Variants in HMCN2 observed in about 807,000 individuals in gnomAD.
HMCN2 encodes the protein hemicentin 2.
In HMCN2, 325 loss-of-function variants were observed where a neutral mutation model predicts 377.5. The ratio of observed to expected loss-of-function variants is 0.86; its 90% CI spans 0.79 to 0.94. The LOEUF is 0.94. Ranked by LOEUF, HMCN2 falls within the 40% of genes least tolerant of loss-of-function variation. HMCN2 has a pLI of 0.00. For synonymous variants in HMCN2, 2,007 were observed against 2,046.8 expected (o/e 0.98, Z 0.53); for missense variants, 4,543 against 4,725.3 (o/e 0.96, Z 1.13).
intron 6 of HMCN2, 92 bp downstream of exon 6, chr9:130,295,864 G>A (rs376750752): frequency 1.6e-5 from 7 of 425,946 alleles, no homozygotes; most frequent in African/African-American, 6.1e-5. Flanking sequence ...CTGTGGCCTC[G>A]GGAAGCTGAT....
At position 130,351,033 on chromosome 9, in the gene HMCN2, C is replaced by G. The variant is rs1440487114; in HGVS notation, c.4431-390C>G. Among the ~76,000 whole-genome samples the G allele has an allele frequency of 6.6e-6, 1 of 152,208 alleles. No individual in the cohort carries two copies. Among genetic ancestry groups the G allele is most frequent in the Non-Finnish European group, 1.5e-5 (1 of 68,030 alleles). On this transcript the variant is annotated intron_variant, in intron 29 of 97. Transcript: ENST00000683500. The surrounding 1 kb of genome is among the most constrained non-coding windows in gnomAD (Gnocchi z 5.4). ...CCCTGGACCCATCAGCAGCCAGTCGCTGTCCCCTTCTCCCCAGCCCCTGGC... is the reference window on the plus strand; with the variant it reads ...CCCTGGACCCATCAGCAGCCAGTCGGTGTCCCCTTCTCCCCAGCCCCTGGC...
intron 4 of HMCN2, among the ~76,000 whole-genome samples, chr9:130,292,412 C>T (rs1389253970): frequency 1.3e-5 from 2 of 152,204 alleles, no homozygotes; most frequent in Non-Finnish European, 2.9e-5. Flanking sequence ...TGCATCATTC[C>T]TCCCACATTT....
intron 59 of HMCN2, 133 bp from the exon 60 acceptor site, chr9:130,385,427 G>C (rs1267614965): frequency 6.6e-6 from 3 of 454,882 alleles, no homozygotes; most frequent in Non-Finnish European, 1.2e-5. Context: ...CACCTCCCCT[G>C]GGTCTGCGCC....
Position 130,386,436 on chromosome 9 carries a change from C to G in HMCN2, c.9310-7C>G. ...CACACAGCCACTGTGTGCTCTTCCT[C>G]TTTCAGGTATCGGATAAAGGTTTAT... is the stretch of plus-strand genomic sequence containing the variant. On this transcript the variant is annotated splice_polypyrimidine_tract_variant and splice_region_variant and intron_variant, in intron 60 of 97. Coordinates refer to ENST00000683500, the MANE Select transcript of HMCN2 (RefSeq NM_001291815.2). 3 of 1,302,890 alleles carry G rather than the reference C, an allele frequency of 2.3e-6. No individual in the cohort carries two copies. Among genetic ancestry groups the G allele is most frequent in the Non-Finnish European group, 3.0e-6 (3 of 988,434 alleles). The allele number at this position is 1,302,890 out of a possible 1,614,324, so 80.7% of individuals were successfully genotyped here.
intron 22 of HMCN2, among the ~76,000 whole-genome samples, chr9:130,334,722 T>TCTCTC (rs1167871701): frequency 2.2e-5 from 3 of 138,536 alleles, no homozygotes; most frequent in African/African-American, 5.2e-5. Flanking sequence ...TCTCTCTCTC[T>TCTCTC]TCTCTCTTTC....
At position 130,355,025 on chromosome 9, in the gene HMCN2, G is replaced by A. The variant is rs1839950737; in HGVS notation, c.5127G>A (p.Gln1709=). Reference sequence around the variant, plus strand: ...GTCCTGCCGGGGAAGCCGTCCTGCAGTACTCCGTGGAGGTTCAGGGTGAGC... The same window carrying A: ...GTCCTGCCGGGGAAGCCGTCCTGCAATACTCCGTGGAGGTTCAGGGTGAGC... ...ASSPAGEAVL[Q]YSVEVQVPPQ... Residue 1709 remains glutamine, a synonymous_variant, in exon 32 of 98, where the codon CAG becomes CAA. Transcript: ENST00000683500. 1 of 1,286,296 alleles carries A rather than the reference G, an allele frequency of 7.8e-7. No homozygotes were observed. Among genetic ancestry groups the A allele is most frequent in the Non-Finnish European group, 1.0e-6 (1 of 985,584 alleles). The allele number at this position is 1,286,296 out of a possible 1,614,324, so 79.7% of individuals were successfully genotyped here. A position where few individuals can be genotyped will look rare whatever the true frequency, so the allele number is the denominator to read the frequency against.
Position 130,386,482 on chromosome 9 carries a change from G to A in HMCN2, c.9349G>A (p.Val3117Met), listed in dbSNP as rs1463432031. 11 of 1,303,894 alleles carry A rather than the reference G, an allele frequency of 8.4e-6. No homozygotes were observed. Among genetic ancestry groups the A allele is most frequent in the South Asian group, 7.4e-5 (6 of 80,996 alleles). The allele number at this position is 1,303,894 out of a possible 1,614,324, so 80.8% of individuals were successfully genotyped here. Residue 3117 changes from valine to methionine, a missense_variant, in exon 61 of 98, where the codon GTG becomes ATG. By Grantham distance (21) the Val-to-Met change is conservative. Coordinates refer to ENST00000683500, the MANE Select transcript of HMCN2 (RefSeq NM_001291815.2). ...KGLYSCKVSN[V>M]AGEAVRTFTL... ...TTTATACAGCTGTAAAGTCAGCAAC[G>A]TGGCTGGGGAGGCCGTGCGGACCTT...
At position 130,384,807 on chromosome 9, in the gene HMCN2, A is replaced by G. The variant is rs991261579; in HGVS notation, c.9106+9A>G. 6.5e-5 allele frequency: 85 copies of G among 1,299,312 alleles called. No individual in the cohort carries two copies. Among genetic ancestry groups the G allele is most frequent in the Non-Finnish European group, 8.5e-5 (84 of 985,572 alleles). 80.5% of individuals were successfully genotyped at this position (1,299,312 alleles called of 1,614,324 possible). A position where few individuals can be genotyped will look rare whatever the true frequency, so the allele number is the denominator to read the frequency against. On this transcript the variant is annotated intron_variant, in intron 59 of 97. Coordinates refer to ENST00000683500, the MANE Select transcript of HMCN2 (RefSeq NM_001291815.2). ...GCAGCTCAGTGTTCTGGGTATGTCC[A>G]TGTCTGTCCCCAACTTGTACTGTCC...
In HMCN2 at chr9:130,393,317, G is replaced by T; in HGVS notation, c.10234+8G>T. Reference sequence around the variant, plus strand: ...TCACCTTGCAGGTGCAGGGTATGGAGCAGGGGGTGGGGCAAGGGGGTCTCT... The same window carrying T: ...TCACCTTGCAGGTGCAGGGTATGGATCAGGGGGTGGGGCAAGGGGGTCTCT... On this transcript the variant is annotated splice_region_variant and intron_variant, in intron 67 of 97. Transcript: ENST00000683500. The surrounding 1 kb of genome is among the most constrained non-coding windows in gnomAD (Gnocchi z 5.2). 1 of 990,658 alleles carries T rather than the reference G, an allele frequency of 1.0e-6. No homozygotes were observed. 61.4% of individuals were successfully genotyped at this position (990,658 alleles called of 1,614,324 possible).
intron 22 of HMCN2, among the ~76,000 whole-genome samples, chr9:130,329,483 G>C (rs1838307891): frequency 2.4e-5 from 3 of 125,830 alleles, no homozygotes; most frequent in Admixed American, 1.0e-4. Context: ...TCACTCTGTT[G>C]CCAGGCTGGA....
chr9:130,393,183 C>G lies in HMCN2; in HGVS notation c.10137-29C>G. On this transcript the variant is annotated intron_variant, in intron 66 of 97. Transcript: ENST00000683500. The surrounding 1 kb of genome is among the most constrained non-coding windows in gnomAD (Gnocchi z 5.2). The stretch of plus-strand genomic sequence containing the variant: ...CTCTCTCTCTCCCTTTCTCTTGTCT[C>G]CTTCTCCCTCTCCTCTCGGGGGATT... 1.0e-6 allele frequency: 1 copy of G among 985,296 alleles called. No homozygotes were observed. Among genetic ancestry groups the G allele is most frequent in the Non-Finnish European group, 1.2e-6 (1 of 827,646 alleles). 61.0% of individuals were successfully genotyped at this position (985,296 alleles called of 1,614,324 possible). A position where few individuals can be genotyped will look rare whatever the true frequency, so the allele number is the denominator to read the frequency against.
chr9:130,343,249 G>A (rs1839159956), intron 25 of HMCN2, among the ~76,000 whole-genome samples: 1 of 152,174 alleles, frequency 6.6e-6, no homozygotes, highest in Admixed American at 6.5e-5. Context: ...TGGGAGCACC[G>A]CCTCCCCTCT....
Position 130,294,991 on chromosome 9 carries a change from G to A in HMCN2, c.749G>A (p.Gly250Glu). 2.1e-6 allele frequency: 1 copy of A among 470,676 alleles called. No individual in the cohort carries two copies. The allele number at this position is 470,676 out of a possible 1,614,324, so 29.2% of individuals were successfully genotyped here. A position where few individuals can be genotyped will look rare whatever the true frequency, so the allele number is the denominator to read the frequency against. ...SLKEVTISLS[G>E]PGPEIEVQDP... The stretch of plus-strand genomic sequence containing the variant: ...AAGGAGGTCACCATCTCATTGAGTG[G>A]GCCAGGGCCTGAGATTGAAGTCCAA... Residue 250 changes from glycine (G) to glutamate (E), a missense_variant, in exon 5 of 98, where the codon GGG becomes GAG. This residue lies in a region of HMCN2 where 547 missense variants were observed against 189.9 expected (regional missense o/e 2.88). Coordinates refer to ENST00000683500, the MANE Select transcript of HMCN2 (RefSeq NM_001291815.2).
At chr9:130,278,131 TG>T (rs1422085249) in intron 1 of HMCN2, among the ~76,000 whole-genome samples, 1 of 151,010 alleles carries the variant, frequency 6.6e-6, no homozygotes. Flanking sequence ...GTTGGTTGGT[TG>T]GTTTTTTTTT....
intron 25 of HMCN2, among the ~76,000 whole-genome samples, chr9:130,344,753 TATGGTGTTTTGTGTGC>T (rs1380420054): frequency 2.0e-5 from 3 of 148,846 alleles, no homozygotes; most frequent in Non-Finnish European, 4.5e-5. Context: ...TGTGTGTGTG[TATGGTGTTTTGTGTGC>T]ATGGTGTTTG....
In HMCN2 at chr9:130,418,991, C is replaced by T; in HGVS notation, c.13181C>T (p.Ala4394Val). 1 of 1,506,906 alleles carries T rather than the reference C, an allele frequency of 6.6e-7. No homozygotes were observed. Among genetic ancestry groups the T allele is most frequent in the South Asian group, 1.3e-5 (1 of 78,134 alleles). 93.3% of individuals were successfully genotyped at this position (1,506,906 alleles called of 1,614,324 possible). The change falls in exon 86 of 98, where the codon GCT (alanine) becomes GTT (valine). Residue 4394 changes from alanine to valine, a missense_variant. Coordinates refer to ENST00000683500, the MANE Select transcript of HMCN2 (RefSeq NM_001291815.2). ...TGDAGTYDCV[A>V]HNLLGSATAR... ...GATGCAGGCACCTACGACTGCGTCG[C>T]TCACAACCTCCTGGGCTCTGCCACA...
intron 89 of HMCN2, 93 bp downstream of exon 89, chr9:130,425,223 C>G: frequency 7.3e-7 from 1 of 1,375,806 alleles, no homozygotes; most frequent in Non-Finnish European, 9.7e-7. Flanking sequence ...CAGGCCCACT[C>G]TCCCTTCTGA....
intron 54 of HMCN2, among the ~76,000 whole-genome samples, chr9:130,381,655 G>C (rs1841729167): frequency 6.6e-6 from 1 of 152,080 alleles, no homozygotes; most frequent in African/African-American, 2.4e-5. Flanking sequence ...AGGATTGTAG[G>C]CGAGAGCCAC....
At chr9:130,395,784 A>G in intron 71 of HMCN2, 140 bp from the exon 72 acceptor site, 2 of 871,590 alleles carry the variant, frequency 2.3e-6, no homozygotes, top group Non-Finnish European at 3.1e-6. Flanking sequence ...GGCGGGGCAC[A>G]GTCAGGGCCT....
Sources: gnomAD v4.1 joint callset for allele counts (sites outside exome capture counted in the v4.1 genomes callset) on GRCh38, gnomAD v4.1.1 for gene constraint, gnomAD v4.1.1 regional missense constraint, Gnocchi (gnomAD v3.1) non-coding constraint, MANE v1.5 for transcripts, NCBI Gene and HGNC (gene_info 2026-07-23, HGNC 2026-07-21) for gene names.